The following SLA variants were observed in gnomAD, a reference collection of about 807,000 sequenced individuals.
The protein encoded by SLA is src-like-adapter.
SLA carries 16 observed loss-of-function variants against 30.3 expected under a neutral mutation model. The observed-to-expected ratio is 0.53, with a 90% CI of 0.36 to 0.80. The LOEUF is 0.80. Among genes scored for constraint, SLA ranks in the 30% least tolerant of loss-of-function variants. The probability of loss-of-function intolerance (pLI) is 0.01; values close to 1 mark genes in which losing one functional copy is unlikely to be tolerated. For missense variants in SLA, 310 were observed against 345.2 expected (o/e 0.90, Z 0.81); for synonymous variants, 143 against 137.8 (o/e 1.04, Z -0.26).
chr8:133,066,394 C>T (rs541784807), intron 2 of SLA, among the ~76,000 whole-genome samples: 1 of 149,734 alleles, frequency 6.7e-6, no homozygotes, highest in South Asian at 2.1e-4. Flanking sequence ...GAAAGGAATA[C>T]TAGCTGTGCT....
At chr8:133,063,031 C>T (rs1414622658) in intron 2 of SLA, among the ~76,000 whole-genome samples, 2 of 152,234 alleles carry the variant, frequency 1.3e-5, no homozygotes, top group Non-Finnish European at 2.9e-5. Context: ...TCTATCATCA[C>T]CGAGGCCTTT....
At chr8:133,094,491 C>A in intron 1 of SLA, 1 of 180,670 alleles carries the variant, frequency 5.5e-6, no homozygotes, top group Admixed American at 5.3e-5. Flanking sequence ...CCGCCCACCT[C>A]AGCCTCCCAA....
At chr8:133,047,701 A>T in intron 6 of SLA, 129 bp downstream of exon 6, 1 of 705,354 alleles carries the variant, frequency 1.4e-6, no homozygotes, top group Non-Finnish European at 2.6e-6. Flanking sequence ...GGCTGCAGGG[A>T]GCTTAACTAC....
intron 2 of SLA, chr8:133,072,954 A>C (rs1040891000): frequency 6.3e-4 from 96 of 152,346 alleles, no homozygotes; most frequent in African/African-American, 2.1e-3. Context: ...CTGTTTATTA[A>C]TAGCTTTCTG....
chr8:133,058,931 G>A (rs1403741844), intron 3 of SLA: 1 of 462,024 alleles, frequency 2.2e-6, no homozygotes, highest in African/African-American at 2.0e-5. Flanking sequence ...GGTGTGGGGT[G>A]GCTGGGTCTT....
chr8:133,095,095 C>G (rs769173796), intron 1 of SLA: 5 of 1,614,224 alleles, frequency 3.1e-6, no homozygotes, highest in Non-Finnish European at 4.2e-6. Flanking sequence ...GAGGGCTCAG[C>G]AGCAGGCAAT....
intron 7 of SLA, among the ~76,000 whole-genome samples, chr8:133,044,444 G>A (rs1381667154): frequency 6.6e-6 from 1 of 152,146 alleles, no homozygotes; most frequent in African/African-American, 2.4e-5. Context: ...TTAGGAGCCT[G>A]TTGAGGAATA....
intron 1 of SLA, among the ~76,000 whole-genome samples, chr8:133,079,900 T>A (rs1440476989): frequency 6.6e-6 from 1 of 151,962 alleles, no homozygotes; most frequent in African/African-American, 2.4e-5. Flanking sequence ...CAAGATCGCA[T>A]ACAAGATAGA....
intron 1 of SLA, among the ~76,000 whole-genome samples, chr8:133,077,655 G>A (rs1845099844): frequency 6.6e-6 from 1 of 152,226 alleles, no homozygotes; most frequent in East Asian, 1.9e-4. Flanking sequence ...CAAATCTTAG[G>A]CCTCTGTTTT....
At chr8:133,050,356 A>G (rs554484389) in intron 4 of SLA, 9 of 288,146 alleles carry the variant, frequency 3.1e-5, no homozygotes, top group African/African-American at 1.9e-4. Context: ...ATCAGTGAAG[A>G]TCTAAATAAA....
intron 7 of SLA, 167 bp from the exon 8 acceptor site, chr8:133,040,297 C>T (rs945954903): frequency 2.3e-5 from 16 of 697,352 alleles, no homozygotes; most frequent in African/African-American, 5.4e-5. Context: ...GAAAGTCACG[C>T]GCCCAGCTGT....
chr8:133,095,204 C>T lies in SLA; in HGVS notation c.-319+7349G>A, dbSNP rs2131636638. 2 of 1,614,212 alleles carry T rather than the reference C, an allele frequency of 1.2e-6. No individual in the cohort carries two copies. The highest frequency in any genetic ancestry group is 2.2e-5 in the East Asian group (1 of 44,884). Reference sequence around the variant, plus strand: ...GCCAATGTCCTCAATGATGCCCAGACCAAGGTGAGCACTTAAGTGCAAGTT... The same window carrying T: ...GCCAATGTCCTCAATGATGCCCAGATCAAGGTGAGCACTTAAGTGCAAGTT... On this transcript the variant is annotated intron_variant, in intron 1 of 8. Coordinates refer to ENST00000338087, the MANE Select transcript of SLA (RefSeq NM_001045556.3).
chr8:133,074,300 A>ACTCCAAG (rs1844534106), intron 2 of SLA, among the ~76,000 whole-genome samples: 1 of 152,092 alleles, frequency 6.6e-6, no homozygotes, highest in Non-Finnish European at 1.5e-5. Flanking sequence ...AAGTAGCGCT[A>ACTCCAAG]TTGCAATCCC....
chr8:133,053,777 G>C lies in SLA; in HGVS notation c.62-2862C>G, dbSNP rs755433120. Among the ~76,000 whole-genome samples, 11 of 152,322 alleles carry C rather than the reference G, an allele frequency of 7.2e-5. No individual in the cohort carries two copies. In the South Asian group the frequency reaches 1.0e-3, roughly 14 times the overall value. ...TTCCAATGAGGGAAAGGGAGGCTTA[G>C]AGTGTTGGAGAGTTTCAATTTCACA... On this transcript the variant is annotated intron_variant, in intron 3 of 8. Transcript: ENST00000338087.
chr8:133,089,846 C>A (rs1265802950), intron 1 of SLA: 2 of 152,190 alleles, frequency 1.3e-5, no homozygotes, highest in African/African-American at 4.8e-5. Context: ...GGTCACCCAC[C>A]CTGTTCCTCC....
intron 2 of SLA, chr8:133,073,084 A>G (rs540162022): frequency 6.6e-6 from 1 of 152,346 alleles, no homozygotes; most frequent in Admixed American, 6.5e-5. Context: ...TTTCAAACAT[A>G]CAGAGAAACT....
intron 1 of SLA, chr8:133,094,812 A>C (rs1848163961): frequency 1.6e-6 from 1 of 609,422 alleles, no homozygotes; most frequent in African/African-American, 1.8e-5. Context: ...CAGCACCCTC[A>C]CTTCACAGGT....
intron 1 of SLA, among the ~76,000 whole-genome samples, chr8:133,098,114 C>A (rs1848708339): frequency 6.6e-6 from 1 of 152,156 alleles, no homozygotes; most frequent in South Asian, 2.1e-4. Flanking sequence ...CCCTGAGGGG[C>A]TGAGATTTTA....
At chr8:133,050,061 A>G in intron 4 of SLA, 73 bp from the exon 5 acceptor site, 1 of 980,046 alleles carries the variant, frequency 1.0e-6, no homozygotes, top group Non-Finnish European at 1.7e-6. Flanking sequence ...GAACAGAGTA[A>G]TCAGATTTAA....
Sources: gnomAD v4.1 joint callset for allele counts (sites outside exome capture counted in the v4.1 genomes callset) on GRCh38, gnomAD v4.1.1 for gene constraint, MANE v1.5 for transcripts, NCBI Gene and HGNC (gene_info 2026-07-23, HGNC 2026-07-21) for gene names.